IFT74: variants seen among roughly 807,000 people sequenced by gnomAD.
The protein encoded by IFT74 is intraflagellar transport protein 74 homolog.
A neutral mutation model predicts 96.7 loss-of-function variants in IFT74; 92 were observed. The ratio of observed to expected loss-of-function variants is 0.95; its 90% CI spans 0.80 to 1.13. The LOEUF is 1.13. IFT74 is among the 50% of genes most tolerant of loss of function. IFT74 has a pLI of 0.00. For missense variants in IFT74, 811 were observed against 698.2 expected (o/e 1.16, Z -1.82); for synonymous variants, 223 against 213.2 (o/e 1.05, Z -0.40).
At position 26,949,336 on chromosome 9, in the gene IFT74, A is replaced by G. The variant is rs528096660; in HGVS notation, c.-20+2190A>G. ...TTTAAAAAATGTTAATTTGGAGGCC[A>G]TTAGGTTGAGATAGTTCCAGCTCTG... is the stretch of plus-strand genomic sequence containing the variant. On this transcript the variant is annotated intron_variant, in intron 1 of 19. Coordinates refer to the IFT74 transcript ENST00000433700. 2.6e-5 allele frequency among the ~76,000 whole-genome samples: 4 copies of G among 152,346 alleles called. No homozygotes were observed. In the East Asian group the frequency reaches 7.7e-4, roughly 29 times the overall value.
chr9:26,997,723 C>CT, intron 8 of IFT74: 1 of 1,582,764 alleles, frequency 6.3e-7, no homozygotes, highest in Non-Finnish European at 8.6e-7. Context: ...ATTATGATAG[C>CT]TTACCTAATG....
chr9:27,019,763 G>A (rs1324780272), intron 12 of IFT74, among the ~76,000 whole-genome samples: 1 of 151,540 alleles, frequency 6.6e-6, no homozygotes, highest in African/African-American at 2.4e-5. Context: ...TTTTGTGTGG[G>A]CATATGTTTT....
chr9:27,041,368 T>A (rs533836462), intron 13 of IFT74, among the ~76,000 whole-genome samples: 1 of 152,248 alleles, frequency 6.6e-6, no homozygotes, highest in East Asian at 1.9e-4. Flanking sequence ...CCTAATGGAG[T>A]GTAAGCCCTT....
chr9:26,988,988 G>A (rs1471679621), intron 7 of IFT74, among the ~76,000 whole-genome samples: 2 of 152,052 alleles, frequency 1.3e-5, no homozygotes, highest in African/African-American at 2.4e-5. Flanking sequence ...CATTAGTTAG[G>A]GAGTGCCATC....
chr9:27,023,265 C>T (rs55728737), intron 12 of IFT74, among the ~76,000 whole-genome samples: 4,516 of 152,194 alleles, frequency 0.03, 228 homozygotes, highest in African/African-American at 0.1. Flanking sequence ...TTTCAACTTT[C>T]CCCTGTTCAG....
At chr9:26,951,637 G>A (rs182985662), upstream of IFT74, among the ~76,000 whole-genome samples, 95 of 152,270 alleles carry the variant, frequency 6.2e-4, no homozygotes, top group South Asian at 1.2e-3. Flanking sequence ...AATGGCTCAC[G>A]CCTGTAATAC....
At chr9:27,024,246 A>G (rs1377031491) in intron 12 of IFT74, among the ~76,000 whole-genome samples, 2 of 151,886 alleles carry the variant, frequency 1.3e-5, no homozygotes, top group Non-Finnish European at 2.9e-5. Context: ...ACAACCAAGA[A>G]CTCTCACAGA....
chr9:27,004,830 C>G (rs973583041), intron 8 of IFT74, among the ~76,000 whole-genome samples: 5 of 151,650 alleles, frequency 3.3e-5, no homozygotes, highest in African/African-American at 1.2e-4. Context: ...TGCATTTTTA[C>G]CTAGCATATG....
intron 10 of IFT74, 81 bp downstream of exon 10, chr9:27,012,049 T>C (rs1423475841): frequency 1.8e-5 from 15 of 812,264 alleles, no homozygotes; most frequent in Middle Eastern, 3.0e-4. Flanking sequence ...TATAACTAAT[T>C]CAACTACATA....
chr9:26,995,960 CA>C (rs1363758731), intron 8 of IFT74: 4 of 786,460 alleles, frequency 5.1e-6, no homozygotes, highest in Non-Finnish European at 7.6e-6. Flanking sequence ...AATAAACATA[CA>C]TTGTAGTTTT....
chr9:27,033,342 G>A (rs1005868342), intron 13 of IFT74, among the ~76,000 whole-genome samples: 8 of 151,980 alleles, frequency 5.3e-5, no homozygotes, highest in African/African-American at 1.9e-4. Context: ...TGGATTGCTT[G>A]AGCTCAGAAG....
chr9:26,957,624 C>CATTG (rs1826171889), intron 1 of IFT74, among the ~76,000 whole-genome samples: 1 of 152,200 alleles, frequency 6.6e-6, no homozygotes, highest in Admixed American at 6.5e-5. Context: ...GAACTGTAGA[C>CATTG]ATTGATTAGT....
chr9:26,971,207 G>A (rs117911404), intron 2 of IFT74, among the ~76,000 whole-genome samples: 503 of 152,292 alleles, frequency 3.3e-3, no homozygotes, highest in Non-Finnish European at 5.5e-3. Flanking sequence ...ACCGATGGGG[G>A]GCATTTTAGT....
intron 6 of IFT74, among the ~76,000 whole-genome samples, chr9:26,987,857 C>T (rs1052620402): frequency 7.2e-5 from 11 of 152,156 alleles, no homozygotes; most frequent in African/African-American, 2.4e-4. Flanking sequence ...ACTACTGTTC[C>T]ATCTGTGCAA....
At chr9:27,039,079 G>A (rs1587399592) in intron 13 of IFT74, among the ~76,000 whole-genome samples, 1 of 152,134 alleles carries the variant, frequency 6.6e-6, no homozygotes, top group Non-Finnish European at 1.5e-5. Context: ...ACAGTGCTGC[G>A]CATCTCACCA....
intron 8 of IFT74, among the ~76,000 whole-genome samples, chr9:26,999,308 C>G (rs1828347788): frequency 6.6e-6 from 1 of 152,086 alleles, no homozygotes; most frequent in Non-Finnish European, 1.5e-5. Flanking sequence ...CAGTTTCTCT[C>G]ATAAATATGT....
At chr9:27,032,754 T>A (rs1176472800) in intron 13 of IFT74, among the ~76,000 whole-genome samples, 3 of 151,814 alleles carry the variant, frequency 2.0e-5, no homozygotes, top group Non-Finnish European at 4.4e-5. Flanking sequence ...TAATCCCAGC[T>A]ACTCAGGAGG....
chr9:27,012,002 A>G, intron 10 of IFT74, 34 bp downstream of exon 10: 2 of 1,398,126 alleles, frequency 1.4e-6, no homozygotes, highest in South Asian at 2.8e-5. Context: ...TTCTCATACT[A>G]CTCAGCTAAA....
In IFT74 at chr9:27,060,511, T is replaced by C. The variant is rs551956358; in HGVS notation, c.1624-80T>C. 9.3e-5 allele frequency: 78 copies of C among 835,634 alleles called. No homozygotes were observed. In the African/African-American group the frequency reaches 1.1e-3, roughly 12 times the overall value. The allele number at this position is 835,634 out of a possible 1,614,324, so 51.8% of individuals were successfully genotyped here. A position where few individuals can be genotyped will look rare whatever the true frequency, so the allele number is the denominator to read the frequency against. On this transcript the variant is annotated intron_variant, in intron 18 of 19. Coordinates refer to ENST00000380062, the MANE Select transcript of IFT74 (RefSeq NM_025103.4). ...ATAAGATTTAAAGTTGGAGAGATTT[T>C]TTTTGTCTTATCCTCTTAGAAAGGC...
Sources: gnomAD v4.1 joint callset for allele counts (sites outside exome capture counted in the v4.1 genomes callset) on GRCh38, gnomAD v4.1.1 for gene constraint, MANE v1.5 for transcripts, NCBI Gene and HGNC (gene_info 2026-07-23, HGNC 2026-07-21) for gene names.